DCLK2: variants seen among roughly 807,000 people sequenced by gnomAD.
DCLK2 encodes the protein doublecortin like kinase 2.
A neutral mutation model predicts 78.4 loss-of-function variants in DCLK2; 31 were observed. That is an observed-to-expected ratio of 0.40 (90% CI 0.30 to 0.53). The LOEUF (loss-of-function observed/expected upper bound fraction) is 0.53. Ranked by LOEUF, DCLK2 falls within the 20% of genes least tolerant of loss-of-function variation. DCLK2 has a pLI of 0.61. For missense variants in DCLK2, 872 were observed against 973.7 expected (o/e 0.90, Z 1.39); for synonymous variants, 407 against 374.9 (o/e 1.09, Z -0.99).
intron 2 of DCLK2, among the ~76,000 whole-genome samples, chr4:150,116,211 T>C (rs1338291015): frequency 1.3e-5 from 2 of 152,200 alleles, no homozygotes; most frequent in Non-Finnish European, 2.9e-5. Context: ...CTAGAAGGGC[T>C]GTCTACAGGT....
In DCLK2 at chr4:150,232,787, C is replaced by T; in HGVS notation, c.1525C>T (p.Leu509Phe). ...CAATGCCCTCAGGTATCTCCATGGC[C>T]TCAGCATCGTGCACAGAGACATCAA... is the stretch of plus-strand genomic sequence containing the variant. ...LANALRYLHGLSIVHRDIKPE... is the reference protein window; with the variant it reads ...LANALRYLHGFSIVHRDIKPE... Residue 509 changes from leucine to phenylalanine, a missense_variant, in exon 10 of 16, where the codon CTC becomes TTC. By Grantham distance (22) the Leu-to-Phe change is conservative. This residue lies in a region of DCLK2 where 86 missense variants were observed against 150.3 expected (regional missense o/e 0.57). Coordinates refer to ENST00000296550, the MANE Select transcript of DCLK2 (RefSeq NM_001040260.4). 6.2e-7 allele frequency: 1 copy of T among 1,614,118 alleles called. No individual in the cohort carries two copies. Among genetic ancestry groups the T allele is most frequent in the Non-Finnish European group, 8.5e-7 (1 of 1,180,008 alleles).
chr4:150,202,471 T>C (rs931928131), intron 4 of DCLK2, among the ~76,000 whole-genome samples: 1 of 152,206 alleles, frequency 6.6e-6, no homozygotes, highest in African/African-American at 2.4e-5. Flanking sequence ...AGCAATACAA[T>C]AAATATGACT....
rs114344788 is a variant in DCLK2 at position 150,253,642 on chromosome 4, G to A, written c.2074-2378G>A. On this transcript the variant is annotated intron_variant, in intron 15 of 15. Coordinates refer to ENST00000296550, the MANE Select transcript of DCLK2 (RefSeq NM_001040260.4). ...GCTTGTCTCAGTTTCTGATGCCGCC[G>A]TCCGGCTCTCAGCTGCTTACTGGTG... 8.7e-4 allele frequency: 1,108 copies of A among 1,273,898 alleles called. 8 individuals carry two copies. In the African/African-American group the frequency reaches 0.013, roughly 15 times the overall value. 78.9% of individuals were successfully genotyped at this position (1,273,898 alleles called of 1,614,324 possible).
intron 12 of DCLK2, among the ~76,000 whole-genome samples, chr4:150,245,849 C>T (rs533944806): frequency 6.6e-6 from 1 of 152,122 alleles, no homozygotes; most frequent in Non-Finnish European, 1.5e-5. Flanking sequence ...GACAGGGTGG[C>T]AATTCCTCAA....
chr4:150,149,251 C>G (rs948948462), intron 2 of DCLK2, among the ~76,000 whole-genome samples: 2 of 151,866 alleles, frequency 1.3e-5, no homozygotes, highest in Non-Finnish European at 2.9e-5. Context: ...AATTATGGAG[C>G]TTTTCCAAAT....
chr4:150,111,266 G>GT (rs151292595), intron 2 of DCLK2, among the ~76,000 whole-genome samples: 4,317 of 151,850 alleles, frequency 0.028, 168 homozygotes, highest in African/African-American at 0.095. Context: ...TAATATTTTT[G>GT]TTGGCCATTT....
intron 5 of DCLK2, among the ~76,000 whole-genome samples, chr4:150,208,079 ATCAGAG>A (rs1393394944): frequency 6.6e-6 from 1 of 152,278 alleles, no homozygotes; most frequent in East Asian, 1.9e-4. Flanking sequence ...GTGATCTGAC[ATCAGAG>A]TCAGATACCA....
chr4:150,222,000 ATTT>A (rs1048312449), intron 7 of DCLK2, among the ~76,000 whole-genome samples: 6 of 151,546 alleles, frequency 4.0e-5, no homozygotes, highest in Admixed American at 6.6e-5. Flanking sequence ...TTATTTATTT[ATTT>A]AAAAAAAAGG....
chr4:150,091,884 G>A (rs1395937101), intron 1 of DCLK2, among the ~76,000 whole-genome samples: 1 of 151,736 alleles, frequency 6.6e-6, no homozygotes, highest in Non-Finnish European at 1.5e-5. Flanking sequence ...TTAACTAATA[G>A]GCACAGTGTT....
At chr4:150,181,541 G>C (rs1047206232) in intron 2 of DCLK2, among the ~76,000 whole-genome samples, 2 of 151,968 alleles carry the variant, frequency 1.3e-5, no homozygotes, top group African/African-American at 2.4e-5. Context: ...TTTGGTCTCA[G>C]TATTCCATGA....
rs1026320537 is a variant in DCLK2 at position 150,078,608 on chromosome 4, C to T, written c.-420C>T. The T allele has an allele frequency of 5.9e-5, 9 of 152,264 alleles. No homozygotes were observed. The highest frequency in any genetic ancestry group is 2.2e-4 in the African/African-American group (9 of 41,374). The allele number at this position is 152,264 out of a possible 1,614,324, so 9.4% of individuals were successfully genotyped here. On this transcript the variant is annotated 5_prime_UTR_variant, in exon 1 of 16. Transcript: ENST00000296550. Reference sequence around the variant, plus strand: ...CCCACCCTTCCTTCCTTCCTCCCCTCGGCGCTCCCGGGAGCGCTCGGCAGA... The same window carrying T: ...CCCACCCTTCCTTCCTTCCTCCCCTTGGCGCTCCCGGGAGCGCTCGGCAGA...
intron 15 of DCLK2, among the ~76,000 whole-genome samples, chr4:150,249,918 G>A (rs1743628921): frequency 6.6e-6 from 1 of 152,170 alleles, no homozygotes; most frequent in Non-Finnish European, 1.5e-5. Context: ...CAGGCGTCAA[G>A]GAGCTCCTGG....
chr4:150,172,061 G>A (rs1333047119), intron 2 of DCLK2, among the ~76,000 whole-genome samples: 2 of 152,178 alleles, frequency 1.3e-5, no homozygotes, highest in African/African-American at 4.8e-5. Flanking sequence ...GCTCTTTTTA[G>A]TTGTTGCTCC....
rs1183352615 is a variant in DCLK2 at position 150,255,052 on chromosome 4, G to A, written c.2074-968G>A. ...AGCCATTCCATAGGTGGCCCCAGGT[G>A]CCCTGAAGGCCGCCACCCAAGTTCA... is the stretch of plus-strand genomic sequence containing the variant. On this transcript the variant is annotated intron_variant, in intron 15 of 15. Transcript: ENST00000296550. Among the ~76,000 whole-genome samples, 5 of 152,204 alleles carry A rather than the reference G, an allele frequency of 3.3e-5. No homozygotes were observed. The South Asian group carries it at 1.0e-3, about 31-fold the overall frequency.
At chr4:150,181,074 T>C (rs1737475291) in intron 2 of DCLK2, among the ~76,000 whole-genome samples, 1 of 152,220 alleles carries the variant, frequency 6.6e-6, no homozygotes, top group Non-Finnish European at 1.5e-5. Context: ...TATTTCTACA[T>C]GGCTGTCCAC....
chr4:150,094,169 A>G (rs952332530), intron 1 of DCLK2, among the ~76,000 whole-genome samples: 2 of 152,234 alleles, frequency 1.3e-5, no homozygotes, highest in African/African-American at 4.8e-5. Context: ...ATCACACCAA[A>G]AGTACCAGCA....
chr4:150,129,362 A>C (rs550325406), intron 2 of DCLK2, among the ~76,000 whole-genome samples: 20 of 152,250 alleles, frequency 1.3e-4, no homozygotes, highest in African/African-American at 4.3e-4. Flanking sequence ...ACATAAGTGA[A>C]AATGCTTCTA....
At chr4:150,223,675 C>T (rs753600282) in intron 7 of DCLK2, among the ~76,000 whole-genome samples, 27 of 152,012 alleles carry the variant, frequency 1.8e-4, no homozygotes, top group East Asian at 5.8e-4. Context: ...ACCTGGGAGG[C>T]GGAGGATGCA....
chr4:150,113,384 G>T (rs1731842716), intron 2 of DCLK2, among the ~76,000 whole-genome samples: 1 of 151,950 alleles, frequency 6.6e-6, no homozygotes, highest in South Asian at 2.1e-4. Context: ...AGGTTTTTTT[G>T]TTGTTGTTGG....
Sources: allele counts gnomAD v4.1 joint callset (sites outside exome capture counted in the v4.1 genomes callset), GRCh38; gene constraint gnomAD v4.1.1; regional missense constraint gnomAD v4.1.1; transcripts MANE v1.5; gene names NCBI Gene and HGNC (gene_info 2026-07-23, HGNC 2026-07-21).